SYT14: variants seen among roughly 807,000 people sequenced by gnomAD.
The protein encoded by SYT14 is synaptotagmin-14.
SYT14 carries 32 observed loss-of-function variants against 74.2 expected under a neutral mutation model. That is an observed-to-expected ratio of 0.43 (90% CI 0.33 to 0.58). The LOEUF is 0.58. SYT14 is among the 20% of genes least tolerant of loss of function. The pLI, the probability that SYT14 is intolerant of heterozygous loss-of-function variation, is 0.05. For missense variants in SYT14, 791 were observed against 981.8 expected, an observed-to-expected ratio of 0.81 and a Z score of 2.60; for synonymous variants, 298 against 337.7, an observed-to-expected ratio of 0.88 and a Z score of 1.29.
At chr1:209,950,107 C>A (rs1036160654) in intron 1 of SYT14, among the ~76,000 whole-genome samples, 15 of 151,984 alleles carry the variant, frequency 9.9e-5, no homozygotes, top group Admixed American at 8.5e-4. Flanking sequence ...TGTGGTAAAA[C>A]CTAATCAATT....
At chr1:210,098,094 G>A (rs1210953823) in intron 6 of SYT14, among the ~76,000 whole-genome samples, 2 of 151,824 alleles carry the variant, frequency 1.3e-5, no homozygotes, top group Non-Finnish European at 2.9e-5. Flanking sequence ...AGGATCACTT[G>A]AGCATGGGAG....
At chr1:210,133,153 C>T (rs1414464514) in intron 7 of SYT14, among the ~76,000 whole-genome samples, 1 of 152,096 alleles carries the variant, frequency 6.6e-6, no homozygotes, top group East Asian at 1.9e-4. Flanking sequence ...CAGTTATACC[C>T]CTTTCTAGGA....
chr1:209,965,667 G>A (rs986141928), intron 2 of SYT14, among the ~76,000 whole-genome samples: 2 of 151,996 alleles, frequency 1.3e-5, no homozygotes, highest in Admixed American at 6.6e-5. Flanking sequence ...CTAATTTACA[G>A]TCCCATCAAC....
chr1:209,942,283 A>G (rs2078745625), intron 1 of SYT14, among the ~76,000 whole-genome samples: 1 of 151,848 alleles, frequency 6.6e-6, no homozygotes, highest in Non-Finnish European at 1.5e-5. Flanking sequence ...TCGGCAATCC[A>G]AAATGTTAAG....
chr1:210,048,037 A>G (rs1292352431), intron 5 of SYT14, among the ~76,000 whole-genome samples: 3 of 152,150 alleles, frequency 2.0e-5, no homozygotes, highest in African/African-American at 7.2e-5. Flanking sequence ...CTTTTTCGGG[A>G]GTAAATAATT....
intron 2 of SYT14, among the ~76,000 whole-genome samples, chr1:209,990,547 A>ATACGTATATATATATATG (rs371786883): frequency 2.0e-4 from 1 of 4,948 alleles, no homozygotes; most frequent in African/African-American, 1.3e-3. Flanking sequence ...ACGTATATAT[A>ATACGTATATATATATATG]TGTATATATA....
chr1:210,069,773 C>T (rs894919702), intron 5 of SYT14, among the ~76,000 whole-genome samples: 4 of 151,714 alleles, frequency 2.6e-5, no homozygotes, highest in African/African-American at 4.8e-5. Flanking sequence ...TATTTTCTTA[C>T]ATTTACCCCA....
rs188995220 is a variant in SYT14 at position 210,013,692 on chromosome 1, C to T, written c.-426C>T. On this transcript the variant is annotated 5_prime_UTR_variant, in exon 3 of 10. Transcript: ENST00000637265. ...TGGGGTGTTTATTATCTTGATGCTGCTCCTTTTTCTCTATATTAATAAGAA... is the reference window on the plus strand; with the variant it reads ...TGGGGTGTTTATTATCTTGATGCTGTTCCTTTTTCTCTATATTAATAAGAA... 2.0e-5 allele frequency: 32 copies of T among 1,612,954 alleles called. No individual in the cohort carries two copies. In the East Asian group the frequency reaches 6.7e-4, roughly 34 times the overall value.
intron 2 of SYT14, among the ~76,000 whole-genome samples, chr1:209,971,365 T>G (rs1433459976): frequency 6.6e-6 from 1 of 151,968 alleles, no homozygotes; most frequent in Non-Finnish European, 1.5e-5. Flanking sequence ...CCTATAGGGA[T>G]ACCTTTCATT....
intron 2 of SYT14, among the ~76,000 whole-genome samples, chr1:210,002,987 T>C (rs1031910684): frequency 2.0e-5 from 3 of 152,214 alleles, no homozygotes. Flanking sequence ...ATGCTTTTTA[T>C]GTCTTGTTTA....
chr1:210,140,887 CT>C (rs1466645539), intron 7 of SYT14, among the ~76,000 whole-genome samples: 2 of 152,074 alleles, frequency 1.3e-5, no homozygotes, highest in African/African-American at 2.4e-5. Flanking sequence ...ACCACACTTT[CT>C]TGATTATTGA....
intron 2 of SYT14, among the ~76,000 whole-genome samples, chr1:209,975,575 G>A (rs1177264984): frequency 6.6e-6 from 1 of 152,164 alleles, no homozygotes; most frequent in Admixed American, 6.5e-5. Context: ...TGGTGGATAA[G>A]CTTTTTGATA....
exon 4 of SYT14, chr1:210,016,736 T>C: frequency 8.1e-7 from 1 of 1,231,836 alleles, no homozygotes; most frequent in Non-Finnish European, 1.0e-6. Flanking sequence ...TATGGGGCAT[T>C]TCAATAAATG....
intron 9 of SYT14, 53 bp downstream of exon 8, chr1:210,159,530 TA>T: frequency 6.7e-7 from 1 of 1,503,298 alleles, no homozygotes; most frequent in Non-Finnish European, 9.1e-7. Flanking sequence ...AAAACCAAAA[TA>T]CCCTAAAACT....
At chr1:210,126,866 G>A (rs1487592214) in intron 7 of SYT14, among the ~76,000 whole-genome samples, 6 of 152,122 alleles carry the variant, frequency 3.9e-5, no homozygotes, top group Non-Finnish European at 1.5e-5. Flanking sequence ...ACCCTAGGAT[G>A]TATCATGAAA....
At chr1:209,949,257 C>T (rs2078871981) in intron 1 of SYT14, among the ~76,000 whole-genome samples, 1 of 152,100 alleles carries the variant, frequency 6.6e-6, no homozygotes, top group South Asian at 2.1e-4. Context: ...ATACTCCTCC[C>T]AGTCTTAGGA....
chr1:210,027,532 G>A (rs906780699), intron 5 of SYT14, among the ~76,000 whole-genome samples: 3 of 152,144 alleles, frequency 2.0e-5, no homozygotes, highest in Admixed American at 6.5e-5. Context: ...GGAGGAAGAG[G>A]AGGGGTTGGT....
At chr1:209,959,173 C>A (rs1482474021) in intron 2 of SYT14, among the ~76,000 whole-genome samples, 1 of 152,020 alleles carries the variant, frequency 6.6e-6, no homozygotes, top group Non-Finnish European at 1.5e-5. Context: ...GACAGAGTCT[C>A]ACTCTGTCAT....
intron 7 of SYT14, among the ~76,000 whole-genome samples, chr1:210,138,556 G>A (rs1181279339): frequency 1.3e-5 from 2 of 152,064 alleles, no homozygotes; most frequent in Non-Finnish European, 2.9e-5. Context: ...ATAGCTATAG[G>A]TTGGTGTTGA....
Sources: allele counts gnomAD v4.1 joint callset (sites outside exome capture counted in the v4.1 genomes callset), GRCh38; gene constraint gnomAD v4.1.1; transcripts MANE v1.5; gene names NCBI Gene and HGNC (gene_info 2026-07-23, HGNC 2026-07-21).